The following CBFB variants were observed in gnomAD, a reference collection of about 807,000 sequenced individuals.
CBFB encodes the protein CBF-beta.
CBFB carries 9 observed loss-of-function variants against 30.4 expected under a neutral mutation model. The observed-to-expected ratio is 0.30, with a 90% CI of 0.18 to 0.52. The LOEUF (loss-of-function observed/expected upper bound fraction) is 0.52. CBFB is among the 20% of genes least tolerant of loss of function. The pLI is 0.97. For missense variants in CBFB, 170 were observed against 244.0 expected, an observed-to-expected ratio of 0.70 and a Z score of 2.02; for synonymous variants, 94 against 84.0, an observed-to-expected ratio of 1.12 and a Z score of -0.65.
intron 3 of CBFB, among the ~76,000 whole-genome samples, chr16:67,058,578 T>C (rs1289373200): frequency 6.6e-6 from 1 of 152,220 alleles, no homozygotes; most frequent in African/African-American, 2.4e-5. Context: ...CCCACTGCCC[T>C]TATAAGCATT....
chr16:67,073,476 G>A (rs1367600321), intron 4 of CBFB, among the ~76,000 whole-genome samples: 2 of 152,188 alleles, frequency 1.3e-5, no homozygotes, highest in Non-Finnish European at 2.9e-5. Flanking sequence ...CAGATGCAGT[G>A]GCTCATACTT....
intron 4 of CBFB, among the ~76,000 whole-genome samples, chr16:67,078,477 T>A (rs1282903947): frequency 6.6e-6 from 1 of 151,936 alleles, no homozygotes; most frequent in African/African-American, 2.4e-5. Context: ...GCTTGGGAGG[T>A]TGAGGCTGCA....
chr16:67,034,993 A>C (rs1597121479), intron 2 of CBFB, among the ~76,000 whole-genome samples: 2 of 152,082 alleles, frequency 1.3e-5, no homozygotes, highest in East Asian at 3.9e-4. Flanking sequence ...CAGCCTGGGC[A>C]GTTTCCCTCC....
chr16:67,052,277 A>G (rs561086611), intron 3 of CBFB, among the ~76,000 whole-genome samples: 2 of 152,326 alleles, frequency 1.3e-5, no homozygotes, highest in East Asian at 3.9e-4. Flanking sequence ...CTTTTTAAAA[A>G]ATACCTACTA....
At chr16:67,032,063 A>T (rs1314811842) in intron 2 of CBFB, among the ~76,000 whole-genome samples, 1 of 152,200 alleles carries the variant, frequency 6.6e-6, no homozygotes, top group Non-Finnish European at 1.5e-5. Flanking sequence ...CATAGCTAGT[A>T]GGGTGTTTTC....
chr16:67,059,932 A>G (rs1363790554), intron 3 of CBFB, among the ~76,000 whole-genome samples: 1 of 151,900 alleles, frequency 6.6e-6, no homozygotes. Context: ...TATATGTAGC[A>G]GATAAAAATT....
intron 3 of CBFB, among the ~76,000 whole-genome samples, chr16:67,055,591 C>T (rs57441020): frequency 0.057 from 8,724 of 151,886 alleles, 746 homozygotes; most frequent in African/African-American, 0.19. Context: ...CTCCTGACCT[C>T]GTGATCCATC....
Position 67,100,740 on chromosome 16 carries a change from A to G in CBFB, c.*1962A>G, listed in dbSNP as rs1962196938. 3 of 218,166 alleles carry G rather than the reference A, an allele frequency of 1.4e-5. No homozygotes were observed. In the East Asian group the frequency reaches 2.0e-4, roughly 15 times the overall value. 13.5% of individuals were successfully genotyped at this position (218,166 alleles called of 1,614,324 possible). On this transcript the variant is annotated 3_prime_UTR_variant, in exon 6 of 6. Coordinates refer to ENST00000412916, the MANE Select transcript of CBFB (RefSeq NM_022845.3). ...TCAAATGCTCTTAAATGTTCCTGTT[A>G]CCATCCTAATGTAAATACTGGATTT...
chr16:67,079,365 T>C (rs2073242021), intron 4 of CBFB, among the ~76,000 whole-genome samples: 1 of 152,120 alleles, frequency 6.6e-6, no homozygotes, highest in Admixed American at 6.6e-5. Flanking sequence ...CTGTTTACGT[T>C]ATAGACATTG....
intron 4 of CBFB, 66 bp from the exon 5 acceptor site, chr16:67,082,147 A>G (rs907188580): frequency 3.8e-6 from 5 of 1,332,784 alleles, no homozygotes; most frequent in African/African-American, 1.5e-5. Context: ...AAAAAAAAAC[A>G]AAACCCAAAT....
intron 3 of CBFB, among the ~76,000 whole-genome samples, chr16:67,037,045 C>T (rs1213806601): frequency 6.6e-6 from 1 of 151,938 alleles, no homozygotes; most frequent in East Asian, 1.9e-4. Flanking sequence ...ATTACAGGTA[C>T]CCGCCACCAC....
chr16:67,081,635 C>T (rs1382725432), intron 4 of CBFB, among the ~76,000 whole-genome samples: 3 of 151,620 alleles, frequency 2.0e-5, no homozygotes, highest in Non-Finnish European at 4.4e-5. Flanking sequence ...GACCCAGTCT[C>T]TACAAAAACT....
intron 1 of CBFB, 106 bp from the exon 2 acceptor site, chr16:67,029,621 A>C: frequency 7.6e-7 from 1 of 1,318,188 alleles, no homozygotes; most frequent in Non-Finnish European, 1.0e-6. Flanking sequence ...CGGGGCGGCC[A>C]TCGCCCGCAG....
intron 4 of CBFB, among the ~76,000 whole-genome samples, chr16:67,071,902 C>T (rs1961232105): frequency 6.6e-6 from 1 of 152,108 alleles, no homozygotes; most frequent in Non-Finnish European, 1.5e-5. Context: ...GGATTTCAGC[C>T]CTCTTTCACT....
chr16:67,099,419 CT>C lies in CBFB; in HGVS notation c.*655del, dbSNP rs780000742. On this transcript the variant is annotated 3_prime_UTR_variant, in exon 6 of 6. Coordinates refer to ENST00000412916, the MANE Select transcript of CBFB (RefSeq NM_022845.3). ...TAAATGCTAGTAATCAGCACTCTTT[CT>C]TTTTTTTTTTTTTAATAGAGACAGG... The C allele has an allele frequency of 0.063, 11,505 of 181,432 alleles. No individual in the cohort carries two copies. Among genetic ancestry groups the C allele is most frequent in the East Asian group, 0.16 (1,742 of 10,958 alleles). The allele number at this position is 181,432 out of a possible 1,614,324, so 11.2% of individuals were successfully genotyped here.
At chr16:67,075,361 G>A (rs1961364911) in intron 4 of CBFB, among the ~76,000 whole-genome samples, 1 of 152,122 alleles carries the variant, frequency 6.6e-6, no homozygotes, top group Non-Finnish European at 1.5e-5. Context: ...AAAGGATTCA[G>A]CTTTCTTGGA....
intron 4 of CBFB, among the ~76,000 whole-genome samples, chr16:67,071,295 C>T (rs1037600926): frequency 5.3e-5 from 8 of 152,078 alleles, no homozygotes; most frequent in Non-Finnish European, 1.0e-4. Flanking sequence ...ATGTTGAAGC[C>T]CTACTCCCGT....
At chr16:67,076,304 C>T (rs1961393958) in intron 4 of CBFB, among the ~76,000 whole-genome samples, 1 of 151,940 alleles carries the variant, frequency 6.6e-6, no homozygotes, top group South Asian at 2.1e-4. Context: ...TGAGGTAGGT[C>T]GATCACTTGA....
intron 5 of CBFB, among the ~76,000 whole-genome samples, chr16:67,096,802 A>G (rs1249416219): frequency 6.6e-6 from 1 of 151,336 alleles, no homozygotes; most frequent in Admixed American, 6.6e-5. Flanking sequence ...AAGAAACCCC[A>G]TCTCTACTAA....
Sources: gnomAD v4.1 joint callset for allele counts (sites outside exome capture counted in the v4.1 genomes callset) on GRCh38, gnomAD v4.1.1 for gene constraint, MANE v1.5 for transcripts, NCBI Gene and HGNC (gene_info 2026-07-23, HGNC 2026-07-21) for gene names.